Variants in DACH2 observed in about 807,000 individuals in gnomAD.
DACH2 encodes dachshund homolog 2.
Under a neutral mutation model 35.8 loss-of-function variants are expected in DACH2, and 17 were observed. The observed-to-expected ratio is 0.48, with a 90% CI of 0.33 to 0.71. DACH2 has a LOEUF of 0.71. DACH2 is among the 30% of genes least tolerant of loss of function. The pLI is 0.02. For missense variants in DACH2, 469 were observed against 472.7 expected (o/e 0.99, Z 0.07); for synonymous variants, 195 against 177.3 (o/e 1.10, Z -0.79).
At chrX:86,493,507 A>G (rs2038123859) in intron 2 of DACH2, among the ~76,000 whole-genome samples, 1 of 112,056 alleles carries the variant, frequency 8.9e-6, no homozygotes, top group African/African-American at 3.2e-5. Flanking sequence ...CCAAATTATT[A>G]GGCAGGATTG....
At chrX:86,622,551 G>GA (rs1425910435) in intron 3 of DACH2, among the ~76,000 whole-genome samples, 61 of 110,673 alleles carry the variant, frequency 5.5e-4, no homozygotes, top group African/African-American at 1.8e-3. Context: ...GCTATTAACT[G>GA]AAAAAAAATC....
At chrX:86,811,606 A>G (rs1016680688) in intron 7 of DACH2, among the ~76,000 whole-genome samples, 2 of 111,798 alleles carry the variant, frequency 1.8e-5, no homozygotes, top group African/African-American at 6.5e-5. Context: ...AAGATACTCC[A>G]GTGAGCAGCA....
At chrX:86,538,757 A>G (rs1264456062) in intron 3 of DACH2, among the ~76,000 whole-genome samples, 6 of 111,702 alleles carry the variant, frequency 5.4e-5, no homozygotes, top group Non-Finnish European at 7.5e-5. Flanking sequence ...TCACTTCTGA[A>G]CACTGTTGCT....
intron 1 of DACH2, among the ~76,000 whole-genome samples, chrX:86,220,869 G>A (rs2032694774): frequency 8.9e-6 from 1 of 111,817 alleles, no homozygotes; most frequent in Non-Finnish European, 1.9e-5. Flanking sequence ...TCACATCCTT[G>A]CTAATGCTTG....
chrX:86,780,709 C>A (rs189430306), intron 7 of DACH2, among the ~76,000 whole-genome samples: 4 of 111,501 alleles, frequency 3.6e-5, no homozygotes, highest in Admixed American at 2.9e-4. Flanking sequence ...CCAAGCAGTT[C>A]TTTTCGAGTG....
chrX:86,798,031 A>C (rs2042256350), intron 7 of DACH2, among the ~76,000 whole-genome samples: 1 of 112,529 alleles, frequency 8.9e-6, no homozygotes, highest in Non-Finnish European at 1.9e-5. Flanking sequence ...GTATTGGAAA[A>C]CATCTAAAGT....
intron 2 of DACH2, among the ~76,000 whole-genome samples, chrX:86,468,160 ATATAT>A (rs769797564): frequency 8.9e-5 from 10 of 112,028 alleles, no homozygotes; most frequent in Non-Finnish European, 1.7e-4. Flanking sequence ...TAATCTAGAA[ATATAT>A]AGTAAATGTT....
At chrX:86,338,966 A>G (rs900601743) in intron 1 of DACH2, among the ~76,000 whole-genome samples, 2 of 112,239 alleles carry the variant, frequency 1.8e-5, no homozygotes, top group African/African-American at 3.2e-5. Context: ...GAAAATCTAG[A>G]AGAAATGGAT....
intron 1 of DACH2, among the ~76,000 whole-genome samples, chrX:86,326,474 T>TA (rs1181422539): frequency 3.2e-5 from 3 of 95,104 alleles, no homozygotes; most frequent in Non-Finnish European, 6.2e-5. Context: ...CTGTAAAAGT[T>TA]AAAAAATTAT....
At chrX:86,377,602 A>G (rs1213738501) in intron 2 of DACH2, among the ~76,000 whole-genome samples, 1 of 110,478 alleles carries the variant, frequency 9.1e-6, no homozygotes, top group Non-Finnish European at 1.9e-5. Context: ...ATATATTTTG[A>G]TAGTTCCTGT....
At chrX:86,525,205 A>T (rs2038613831) in intron 3 of DACH2, among the ~76,000 whole-genome samples, 1 of 111,052 alleles carries the variant, frequency 9.0e-6, no homozygotes, top group African/African-American at 3.3e-5. Context: ...AAACAAAAAA[A>T]CCCTGGGTAT....
In DACH2 at chrX:86,327,023, C is replaced by A. The variant is rs368394036; in HGVS notation, c.489-49801C>A. Among the ~76,000 whole-genome samples, 35 of 111,936 alleles carry A rather than the reference C, an allele frequency of 3.1e-4. No homozygotes were observed. In the East Asian group the frequency reaches 3.7e-3, roughly 12 times the overall value. ...TGTGTACCAGGCACCATCATAGACA[C>A]TTAAATCTGTATGAGTGGATGAAAA... is the stretch of plus-strand genomic sequence containing the variant. On this transcript the variant is annotated intron_variant, in intron 1 of 11. Transcript: ENST00000373125.
chrX:86,781,180 A>C (rs1435934445), intron 7 of DACH2, among the ~76,000 whole-genome samples: 1 of 111,098 alleles, frequency 9.0e-6, no homozygotes, highest in Admixed American at 9.6e-5. Context: ...GCATAATAAG[A>C]GCTTGTGTTT....
chrX:86,501,848 A>T lies in DACH2; in HGVS notation c.528-12431A>T, dbSNP rs923873320. On this transcript the variant is annotated intron_variant, in intron 2 of 11. Coordinates refer to ENST00000373125, the MANE Select transcript of DACH2 (RefSeq NM_053281.3). ...TAATTGGTAACCCTGCCACCTGTTA[A>T]TTTTGGTATTTTAAACCAGTTAGAG... 2.7e-5 allele frequency among the ~76,000 whole-genome samples: 3 copies of T among 111,645 alleles called. No individual in the cohort carries two copies. In the Admixed American group the frequency reaches 2.9e-4, roughly 11 times the overall value.
intron 4 of DACH2, among the ~76,000 whole-genome samples, chrX:86,665,829 G>C (rs1201209024): frequency 9.1e-6 from 1 of 110,196 alleles, no homozygotes; most frequent in African/African-American, 3.3e-5. Flanking sequence ...ATAATGAATA[G>C]CAAAAATTTA....
intron 1 of DACH2, among the ~76,000 whole-genome samples, chrX:86,180,672 T>C (rs2031459412): frequency 9.0e-6 from 1 of 111,567 alleles, no homozygotes; most frequent in South Asian, 3.7e-4. Flanking sequence ...GGCAGACGCT[T>C]ACTATATTGA....
intron 1 of DACH2, among the ~76,000 whole-genome samples, chrX:86,324,866 G>A (rs1161081762): frequency 9.1e-6 from 1 of 110,376 alleles, no homozygotes; most frequent in East Asian, 2.8e-4. Flanking sequence ...CAAGCCTTCA[G>A]CAGATCCCAC....
intron 7 of DACH2, among the ~76,000 whole-genome samples, chrX:86,759,928 G>C (rs1304069628): frequency 9.0e-6 from 1 of 111,571 alleles, no homozygotes; most frequent in African/African-American, 3.3e-5. Flanking sequence ...CTCAACTCTT[G>C]TTTAGCTGGG....
intron 3 of DACH2, among the ~76,000 whole-genome samples, chrX:86,566,530 T>C (rs1258505841): frequency 1.8e-5 from 2 of 111,487 alleles, no homozygotes; most frequent in Admixed American, 1.9e-4. Flanking sequence ...AAAATAAGCC[T>C]TAGTCGATTA....
Sources: allele counts gnomAD v4.1 joint callset (sites outside exome capture counted in the v4.1 genomes callset), GRCh38; gene constraint gnomAD v4.1.1; transcripts MANE v1.5; gene names NCBI Gene and HGNC (gene_info 2026-07-23, HGNC 2026-07-21).